Variants in NSMCE2 observed in about 807,000 individuals in gnomAD.
NSMCE2 encodes E3 SUMO-protein ligase NSE2.
Under a neutral mutation model 23.8 loss-of-function variants are expected in NSMCE2, and 24 were observed. The observed-to-expected ratio is 1.01, with a 90% CI of 0.73 to 1.42. NSMCE2 has a LOEUF of 1.42. Ranked by LOEUF, NSMCE2 falls within the 40% of genes most tolerant of loss-of-function variation. NSMCE2 has a pLI of 0.00. For missense variants in NSMCE2, 284 were observed against 296.5 expected, an observed-to-expected ratio of 0.96 and a Z score of 0.31; for synonymous variants, 92 against 94.1, an observed-to-expected ratio of 0.98 and a Z score of 0.13.
At chr8:125,141,049 T>C (rs1820348515) in intron 3 of NSMCE2, among the ~76,000 whole-genome samples, 1 of 152,198 alleles carries the variant, frequency 6.6e-6, no homozygotes, top group Non-Finnish European at 1.5e-5. Context: ...TAGCCTGAGT[T>C]TCCATAGTGT....
chr8:125,110,762 G>GT (rs1017002301), intron 3 of NSMCE2, among the ~76,000 whole-genome samples: 4,060 of 41,934 alleles, frequency 0.097, 196 homozygotes, highest in African/African-American at 0.15. Context: ...GGTTGTTGTT[G>GT]TTTTTTTTTT....
intron 5 of NSMCE2, among the ~76,000 whole-genome samples, chr8:125,316,596 C>CTTTCCTTCTTTCCTTTCTTTA (rs1344824566): frequency 1.3e-5 from 2 of 150,650 alleles, no homozygotes; most frequent in African/African-American, 2.4e-5. Context: ...TCTTTTCTTT[C>CTTTCCTTCTTTCCTTTCTTTA]TTTCCTTCTT....
intron 5 of NSMCE2, among the ~76,000 whole-genome samples, chr8:125,318,426 T>C (rs571593253): frequency 1.3e-5 from 2 of 152,262 alleles, no homozygotes; most frequent in South Asian, 4.1e-4. Context: ...AAATAATGTT[T>C]ACCTATCAAA....
chr8:125,276,280 G>T (rs1378144939), intron 5 of NSMCE2, among the ~76,000 whole-genome samples: 1 of 152,168 alleles, frequency 6.6e-6, no homozygotes, highest in Non-Finnish European at 1.5e-5. Flanking sequence ...GGAAACCATA[G>T]ATTAAATCTG....
At chr8:125,331,621 T>G (rs1829881373) in intron 5 of NSMCE2, among the ~76,000 whole-genome samples, 1 of 152,178 alleles carries the variant, frequency 6.6e-6, no homozygotes. Context: ...CAGATTCTTT[T>G]TATACACTTT....
chr8:125,264,747 G>A (rs1319452583), intron 5 of NSMCE2, among the ~76,000 whole-genome samples: 3 of 152,066 alleles, frequency 2.0e-5, no homozygotes, highest in Admixed American at 6.6e-5. Flanking sequence ...AGGACAATTC[G>A]CCAGACTCAT....
chr8:125,257,722 A>G (rs1826504269), intron 5 of NSMCE2, among the ~76,000 whole-genome samples: 1 of 151,526 alleles, frequency 6.6e-6, no homozygotes, highest in African/African-American at 2.4e-5. Flanking sequence ...TTTTAGTAGA[A>G]ACGGGGTTTC....
chr8:125,219,639 G>C (rs1824759309), intron 5 of NSMCE2, among the ~76,000 whole-genome samples: 1 of 152,126 alleles, frequency 6.6e-6, no homozygotes, highest in African/African-American at 2.4e-5. Context: ...ATTTGAGAAT[G>C]GTGAAACTGA....
intron 4 of NSMCE2, among the ~76,000 whole-genome samples, chr8:125,175,754 G>A (rs921541537): frequency 2.6e-5 from 4 of 152,148 alleles, no homozygotes; most frequent in South Asian, 2.1e-4. Flanking sequence ...ACTTTGCCCC[G>A]TGGCAATAAA....
chr8:125,133,666 C>T (rs902295666), intron 3 of NSMCE2, among the ~76,000 whole-genome samples: 24 of 151,894 alleles, frequency 1.6e-4, no homozygotes, highest in African/African-American at 5.1e-4. Context: ...ATTGCTTGAA[C>T]CTGGGAGGCA....
Position 125,224,970 on chromosome 8 carries a change from G to C in NSMCE2, c.418+42714G>C, listed in dbSNP as rs1381255727. 2.0e-5 allele frequency among the ~76,000 whole-genome samples: 3 copies of C among 152,212 alleles called. No individual in the cohort carries two copies. The East Asian group carries it at 5.8e-4, about 29-fold the overall frequency. ...GGGAAGTCAGTACAGCAATGATAAT[G>C]TGATCTGTTTTGTAGGACATTAGAT... On this transcript the variant is annotated intron_variant, in intron 5 of 7. Coordinates refer to ENST00000287437, the MANE Select transcript of NSMCE2 (RefSeq NM_173685.4).
intron 5 of NSMCE2, among the ~76,000 whole-genome samples, chr8:125,345,906 A>C (rs1300662351): frequency 6.6e-6 from 1 of 152,238 alleles, no homozygotes; most frequent in Non-Finnish European, 1.5e-5. Flanking sequence ...CTGTAATCCC[A>C]GCACTTTGGG....
At chr8:125,276,258 A>G (rs563463093) in intron 5 of NSMCE2, among the ~76,000 whole-genome samples, 95 of 152,260 alleles carry the variant, frequency 6.2e-4, no homozygotes, top group African/African-American at 2.2e-3. Flanking sequence ...CCCTTAGCCA[A>G]TCAAACAGAA....
chr8:125,215,046 T>TTAG (rs1824515515), intron 5 of NSMCE2, among the ~76,000 whole-genome samples: 1 of 48,564 alleles, frequency 2.1e-5, no homozygotes, highest in South Asian at 8.3e-4. Context: ...ATTTTATTTA[T>TTAG]TATTATTATT....
chr8:125,104,714 T>C (rs1818372217), intron 3 of NSMCE2, among the ~76,000 whole-genome samples: 1 of 152,158 alleles, frequency 6.6e-6, no homozygotes, highest in Non-Finnish European at 1.5e-5. Flanking sequence ...CTCCCTGAAC[T>C]GAAGTCTCTG....
chr8:125,322,962 G>A (rs1232233711), intron 5 of NSMCE2, among the ~76,000 whole-genome samples: 3 of 152,210 alleles, frequency 2.0e-5, no homozygotes. Context: ...GGGAGGCTGA[G>A]GTGGGAGAAT....
chr8:125,117,247 A>T (rs1315595137), intron 3 of NSMCE2, among the ~76,000 whole-genome samples: 1 of 151,818 alleles, frequency 6.6e-6, no homozygotes, highest in African/African-American at 2.4e-5. Context: ...TTTGAGACAG[A>T]GTCTTGCTCT....
At chr8:125,104,012 C>T (rs1268136757) in intron 3 of NSMCE2, among the ~76,000 whole-genome samples, 5 of 147,534 alleles carry the variant, frequency 3.4e-5, no homozygotes, top group Admixed American at 2.7e-4. Flanking sequence ...TTTTTTCAGC[C>T]GGAATTTTGC....
chr8:125,300,508 C>G (rs2131195487), intron 5 of NSMCE2, among the ~76,000 whole-genome samples: 1 of 152,152 alleles, frequency 6.6e-6, no homozygotes, highest in East Asian at 1.9e-4. Flanking sequence ...TCAAATGTGA[C>G]AAGGCAAATT....
Sources: allele counts gnomAD v4.1 joint callset (sites outside exome capture counted in the v4.1 genomes callset), GRCh38; gene constraint gnomAD v4.1.1; transcripts MANE v1.5; gene names NCBI Gene and HGNC (gene_info 2026-07-23, HGNC 2026-07-21).